The following TTC28 variants were observed in gnomAD, a reference collection of about 807,000 sequenced individuals.
The protein encoded by TTC28 is tetratricopeptide repeat domain 28, also known as tetratricopeptide repeat protein 28.
In TTC28, 61 loss-of-function variants were observed where a neutral mutation model predicts 198.0. The ratio of observed to expected loss-of-function variants is 0.31; its 90% CI spans 0.25 to 0.38. TTC28 has a LOEUF of 0.38. Ranked by LOEUF, TTC28 falls within the 10% of genes least tolerant of loss-of-function variation. The probability of loss-of-function intolerance (pLI) is 1.00; values close to 1 mark genes in which losing one functional copy is unlikely to be tolerated. For synonymous variants in TTC28, 1,171 were observed against 1,297.8 expected, an observed-to-expected ratio of 0.90 and a Z score of 2.10; for missense variants, 2,678 against 3,164.0, an observed-to-expected ratio of 0.85 and a Z score of 3.69.
chr22:28,163,470 G>C lies in TTC28; in HGVS notation c.1063C>G (p.Arg355Gly), dbSNP rs771969557. 16 of 1,551,690 alleles carry C rather than the reference G, an allele frequency of 1.0e-5. 1 individual carries two copies. The South Asian group carries it at 1.9e-4, about 18-fold the overall frequency. ...KQSKDELSEARELGNMGAVYI... is the reference protein window; with the variant it reads ...KQSKDELSEAGELGNMGAVYI... The stretch of plus-strand genomic sequence containing the variant: ...ACAGCTCCCATGTTGCCAAGTTCTC[G>C]GGCTTCAGAAAGTTCATCTTTGGAT... Residue 355 changes from arginine to glycine, a missense_variant, in exon 6 of 23, where the codon CGA becomes GGA. Coordinates refer to ENST00000397906, the MANE Select transcript of TTC28 (RefSeq NM_001145418.2).
intron 1 of TTC28, among the ~76,000 whole-genome samples, chr22:28,637,673 A>G (rs911223586): frequency 1.3e-5 from 2 of 152,200 alleles, no homozygotes; most frequent in African/African-American, 4.8e-5. Context: ...AATTACTTTA[A>G]GTGTAAATGG....
chr22:28,656,351 T>A (rs1412761619), intron 1 of TTC28, among the ~76,000 whole-genome samples: 1 of 152,102 alleles, frequency 6.6e-6, no homozygotes, highest in Non-Finnish European at 1.5e-5. Flanking sequence ...TAAAGAAATG[T>A]CATTAAGGCA....
chr22:28,153,958 A>C (rs2147026146), intron 6 of TTC28, among the ~76,000 whole-genome samples: 1 of 152,272 alleles, frequency 6.6e-6, no homozygotes, highest in African/African-American at 2.4e-5. Context: ...TGGCTCCTGA[A>C]ATGTACTCAC....
At chr22:28,490,798 T>C (rs972256631) in intron 2 of TTC28, among the ~76,000 whole-genome samples, 2 of 152,126 alleles carry the variant, frequency 1.3e-5, no homozygotes, top group African/African-American at 2.4e-5. Flanking sequence ...TCTAAGCAAT[T>C]TACCCCACTA....
chr22:28,259,061 T>A (rs1569226161), intron 5 of TTC28, among the ~76,000 whole-genome samples: 1 of 152,136 alleles, frequency 6.6e-6, no homozygotes, highest in Non-Finnish European at 1.5e-5. Flanking sequence ...AGAAATCTGG[T>A]TGTCTATCAG....
rs540127342 is a variant in TTC28 at position 27,993,533 on chromosome 22, G to A, written c.5245-15C>T. On this transcript the variant is annotated splice_polypyrimidine_tract_variant and intron_variant, in intron 17 of 22. Transcript: ENST00000397906. The stretch of plus-strand genomic sequence containing the variant: ...GATTTCTCCACCTGAGGGGGAATTG[G>A]GGGTGAGTCAGAGACCCAGGCCAGC... 1 of 1,532,538 alleles carries A rather than the reference G, an allele frequency of 6.5e-7. No homozygotes were observed. The highest frequency in any genetic ancestry group is 8.8e-7 in the Non-Finnish European group (1 of 1,134,350). 94.9% of individuals were successfully genotyped at this position (1,532,538 alleles called of 1,614,324 possible). A position where few individuals can be genotyped will look rare whatever the true frequency, so the allele number is the denominator to read the frequency against.
intron 5 of TTC28, among the ~76,000 whole-genome samples, chr22:28,196,064 G>C (rs1005987782): frequency 2.0e-5 from 3 of 151,828 alleles, no homozygotes; most frequent in African/African-American, 7.3e-5. Flanking sequence ...AACCAAAACA[G>C]CATGGTACTG....
chr22:27,983,892 C>G, intron 22 of TTC28, 41 bp from the exon 23 acceptor site: 1 of 1,507,370 alleles, frequency 6.6e-7, no homozygotes, highest in Non-Finnish European at 8.8e-7. Flanking sequence ...AGTTAGAATT[C>G]TATATGGTTT....
intron 2 of TTC28, among the ~76,000 whole-genome samples, chr22:28,562,602 T>C (rs532823425): frequency 1.3e-5 from 2 of 152,106 alleles, no homozygotes; most frequent in Non-Finnish European, 2.9e-5. Flanking sequence ...CTAAGCACCT[T>C]GTACTGGTAG....
At chr22:28,614,825 T>C (rs1017925583) in intron 2 of TTC28, among the ~76,000 whole-genome samples, 17 of 152,128 alleles carry the variant, frequency 1.1e-4, no homozygotes, top group African/African-American at 4.1e-4. Context: ...ACCTAAGACC[T>C]AAAACCATAA....
chr22:28,449,888 T>C lies in TTC28; in HGVS notation c.382-143245A>G, dbSNP rs114110063. On this transcript the variant is annotated intron_variant, in intron 2 of 22. Transcript: ENST00000397906. ...AAACAGGTCCTAAGAGCCTGTTTCA[T>C]GAAAGGAACCAAGAAGGATTTAAAG... Among the ~76,000 whole-genome samples the C allele has an allele frequency of 2.2e-3, 338 of 152,220 alleles. 2 individuals carry two copies. The highest frequency in any genetic ancestry group is 7.9e-3 in the African/African-American group (328 of 41,538).
At chr22:28,627,991 T>C (rs1032078206) in intron 2 of TTC28, among the ~76,000 whole-genome samples, 4 of 151,942 alleles carry the variant, frequency 2.6e-5, no homozygotes, top group Non-Finnish European at 4.4e-5. Context: ...CTGCAGCCTC[T>C]ACCTCCTGGG....
intron 6 of TTC28, among the ~76,000 whole-genome samples, chr22:28,153,564 G>A (rs1657036983): frequency 6.6e-6 from 1 of 151,912 alleles, no homozygotes; most frequent in African/African-American, 2.4e-5. Context: ...CACTGAGTAG[G>A]TTTCAATAAT....
chr22:28,001,602 G>A, intron 14 of TTC28, 49 bp from the exon 15 acceptor site: 1 of 1,531,136 alleles, frequency 6.5e-7, no homozygotes, highest in Non-Finnish European at 8.8e-7. Context: ...AGCAGGCAGG[G>A]GTTTCAGGCA....
chr22:28,563,247 T>G (rs1326610098), intron 2 of TTC28, among the ~76,000 whole-genome samples: 1 of 152,208 alleles, frequency 6.6e-6, no homozygotes, highest in African/African-American at 2.4e-5. Flanking sequence ...TGTATATTTG[T>G]CATCCCTTTC....
At position 28,089,667 on chromosome 22, in the gene TTC28, T is replaced by TAATAA. The variant is rs781311133; in HGVS notation, c.3932+4408_3932+4412dup. ...TACCCTAAAACTTAAAGTATAATAA[T>TAATAA]AATAAAATAAAATAAAATAAAATAA... On this transcript the variant is annotated intron_variant, in intron 12 of 22. Transcript: ENST00000397906. Among the ~76,000 whole-genome samples, 308 of 126,152 alleles carry TAATAA rather than the reference T, an allele frequency of 2.4e-3. 1 individual carries two copies. Among genetic ancestry groups the TAATAA allele is most frequent in the East Asian group, 0.018 (81 of 4,476 alleles). 82.8% of individuals were successfully genotyped at this position (126,152 alleles called of 152,430 possible). A position where few individuals can be genotyped will look rare whatever the true frequency, so the allele number is the denominator to read the frequency against.
intron 2 of TTC28, among the ~76,000 whole-genome samples, chr22:28,573,629 G>A (rs901669489): frequency 2.6e-5 from 4 of 151,868 alleles, no homozygotes; most frequent in African/African-American, 7.3e-5. Flanking sequence ...CATATAATGC[G>A]TAATAATCAC....
intron 1 of TTC28, among the ~76,000 whole-genome samples, chr22:28,649,278 T>C (rs532810231): frequency 6.6e-6 from 1 of 152,300 alleles, no homozygotes; most frequent in South Asian, 2.1e-4. Flanking sequence ...TGTACACCAC[T>C]CTGGTGATGA....
At position 28,600,275 on chromosome 22, in the gene TTC28, C is replaced by T. The variant is rs186232440; in HGVS notation, c.381+29277G>A. Among the ~76,000 whole-genome samples the T allele has an allele frequency of 5.9e-3, 899 of 151,986 alleles. 3 individuals carry two copies. Among genetic ancestry groups the T allele is most frequent in the Middle Eastern group, 0.01 (3 of 294 alleles). On this transcript the variant is annotated intron_variant, in intron 2 of 22. Transcript: ENST00000397906. ...AAAAAAACAGCTGGGCATGGTGGCA[C>T]ACGCCTGTAGTCCCCGCTACCTAAG... is the stretch of plus-strand genomic sequence containing the variant.
Sources: allele counts gnomAD v4.1 joint callset (sites outside exome capture counted in the v4.1 genomes callset), GRCh38; gene constraint gnomAD v4.1.1; transcripts MANE v1.5; gene names NCBI Gene and HGNC (gene_info 2026-07-23, HGNC 2026-07-21).